Variants in ALG14 observed in about 807,000 individuals in gnomAD.
ALG14 encodes UDP-N-acetylglucosamine transferase subunit ALG14.
Under a neutral mutation model 22.8 loss-of-function variants are expected in ALG14, and 17 were observed. The ratio of observed to expected loss-of-function variants is 0.75; its 90% confidence interval spans 0.51 to 1.12. The LOEUF (loss-of-function observed/expected upper bound fraction) is 1.12. ALG14 is among the 50% of genes most tolerant of loss of function. The pLI, the probability that ALG14 is intolerant of heterozygous loss-of-function variation, is 0.00. For missense variants in ALG14, 288 were observed against 271.8 expected (o/e 1.06, Z -0.42); for synonymous variants, 89 against 103.7 (o/e 0.86, Z 0.86).
Position 94,983,296 on chromosome 1 carries a change from T to A in ALG14, c.431A>T (p.Asn144Ile). 1 of 1,613,716 alleles carries A rather than the reference T, an allele frequency of 6.2e-7. No homozygotes were observed. The highest frequency in any genetic ancestry group is 8.5e-7 in the Non-Finnish European group (1 of 1,179,784). Residue 144 changes from asparagine (N) to isoleucine (I), a missense_variant, in exon 4 of 4, where the codon AAC becomes ATC. Physicochemically the swap from Asn to Ile is moderately radical, Grantham distance 149. Transcript: ENST00000370205. ...GATAGGAACACATGTTCCTGGTCCG[T>A]TACACAACACCTGAAAGAAAAAGTT... ...HRVKPDLVLCNGPGTCVPICV... is the reference protein window; with the variant it reads ...HRVKPDLVLCIGPGTCVPICV...
intron 2 of ALG14, among the ~76,000 whole-genome samples, chr1:95,053,861 T>G (rs1242685158): frequency 6.6e-6 from 1 of 152,214 alleles, no homozygotes; most frequent in Non-Finnish European, 1.5e-5. Flanking sequence ...TAATTTCTTT[T>G]TAAGCACAGA....
chr1:95,004,937 C>T (rs2100741227), intron 3 of ALG14, among the ~76,000 whole-genome samples: 1 of 152,184 alleles, frequency 6.6e-6, no homozygotes, highest in African/African-American at 2.4e-5. Context: ...TCCTGAGTAG[C>T]TGGGATTACA....
intron 3 of ALG14, among the ~76,000 whole-genome samples, chr1:95,009,362 C>T (rs1673304363): frequency 6.6e-6 from 1 of 152,004 alleles, no homozygotes; most frequent in Admixed American, 6.6e-5. Context: ...TTTCACTTAT[C>T]ATTATTAAAG....
chr1:95,037,741 G>A lies in ALG14; in HGVS notation c.289-10481C>T, dbSNP rs191830262. On this transcript the variant is annotated intron_variant, in intron 2 of 3. Transcript: ENST00000370205. ...CCTTCCTTTGTCCTTAAAATGGTAA[G>A]AAAATTGCATTCCTTTTCTTAAAAT... is the stretch of plus-strand genomic sequence containing the variant. Among the ~76,000 whole-genome samples the A allele has an allele frequency of 1.3e-3, 201 of 152,298 alleles. 1 individual carries two copies. The highest frequency in any genetic ancestry group is 1.9e-3 in the Non-Finnish European group (131 of 68,018).
rs1383296430 is a variant in ALG14 at position 94,977,970 on chromosome 1, G to A, written c.*5106C>T. 3 of 151,446 alleles carry A rather than the reference G, an allele frequency of 2.0e-5. No individual in the cohort carries two copies. Among genetic ancestry groups the A allele is most frequent in the African/African-American group, 7.3e-5 (3 of 41,240 alleles). 9.4% of individuals were successfully genotyped at this position (151,446 alleles called of 1,614,324 possible). ...CCAGCCAGTTTTCAATAATTTTTTA[G>A]TATAATGAGGTCCTGAGATCAAAAC... is the stretch of plus-strand genomic sequence containing the variant. On this transcript the variant is annotated 3_prime_UTR_variant, in exon 4 of 4. Coordinates refer to ENST00000370205, the MANE Select transcript of ALG14 (RefSeq NM_144988.4).
At chr1:94,994,851 T>G (rs192158996) in intron 3 of ALG14, among the ~76,000 whole-genome samples, 3 of 152,340 alleles carry the variant, frequency 2.0e-5, no homozygotes, top group Admixed American at 2.0e-4. Flanking sequence ...TTAATAGAGA[T>G]ATCAGTAGCA....
In ALG14 at chr1:95,033,630, T is replaced by C. The variant is rs192971595; in HGVS notation, c.289-6370A>G. ...ATCAACAGTAAAATCTATCATAGAT[T>C]TCCTTCTAGATATGAAGATCTATGA... On this transcript the variant is annotated intron_variant, in intron 2 of 3. Transcript: ENST00000370205. Among the ~76,000 whole-genome samples, 249 of 152,186 alleles carry C rather than the reference T, an allele frequency of 1.6e-3. 5 individuals are homozygous for C. Among genetic ancestry groups the C allele is most frequent in the Admixed American group, 0.014 (216 of 15,276 alleles).
chr1:94,982,620 G>A lies in ALG14; in HGVS notation c.*456C>T, dbSNP rs1022254721. ...CTGGGGACATCACTGTTTCCATACA[G>A]GAAATAAAGCCTTTTGTATCTGAAC... On this transcript the variant is annotated 3_prime_UTR_variant, in exon 4 of 4. Coordinates refer to ENST00000370205, the MANE Select transcript of ALG14 (RefSeq NM_144988.4). 1 of 128,072 alleles carries A rather than the reference G, an allele frequency of 7.8e-6. No individual in the cohort carries two copies. Among genetic ancestry groups the A allele is most frequent in the Non-Finnish European group, 1.5e-5 (1 of 65,488 alleles). 7.9% of individuals were successfully genotyped at this position (128,072 alleles called of 1,614,324 possible).
chr1:95,054,379 A>T (rs772139661), intron 2 of ALG14, among the ~76,000 whole-genome samples: 2 of 152,156 alleles, frequency 1.3e-5, no homozygotes, highest in Non-Finnish European at 2.9e-5. Flanking sequence ...TGCTCTGCCC[A>T]TGTGAAGTGC....
intron 2 of ALG14, among the ~76,000 whole-genome samples, chr1:95,054,469 T>G (rs1159826956): frequency 7.7e-6 from 1 of 130,054 alleles, no homozygotes; most frequent in Non-Finnish European, 1.8e-5. Context: ...GCTTCTTGTA[T>G]AGCTTGCAGA....
intron 3 of ALG14, among the ~76,000 whole-genome samples, chr1:95,003,493 G>A (rs576251607): frequency 5.5e-4 from 81 of 148,618 alleles, no homozygotes; most frequent in African/African-American, 1.7e-3. Flanking sequence ...TTTACTGCCC[G>A]GGCTGGAGTA....
chr1:95,023,946 A>G (rs1025547519), intron 3 of ALG14, among the ~76,000 whole-genome samples: 1 of 152,238 alleles, frequency 6.6e-6, no homozygotes, highest in African/African-American at 2.4e-5. Flanking sequence ...AGAAAGGACC[A>G]TGGAAAACGC....
At chr1:95,050,479 A>ATATAAC (rs1674710114) in intron 2 of ALG14, among the ~76,000 whole-genome samples, 6 of 152,262 alleles carry the variant, frequency 3.9e-5, no homozygotes, top group Admixed American at 1.3e-4. Flanking sequence ...TTCTGATAGA[A>ATATAAC]TAGCAATATA....
Position 95,072,862 on chromosome 1 carries a change from C to G in ALG14, c.37G>C (p.Ala13Pro). 6.2e-7 allele frequency: 1 copy of G among 1,614,168 alleles called. No homozygotes were observed. Among genetic ancestry groups the G allele is most frequent in the Non-Finnish European group, 8.5e-7 (1 of 1,180,050 alleles). Reference protein sequence around the residue: ...CVLVLAAAAGAVAVFLILRIW... With the variant: ...CVLVLAAAAGPVAVFLILRIW... ...CGCAGGATTAGGAAAACCGCCACAG[C>G]TCCTGCGGCCGCAGCTAGAACGAGA... Residue 13 changes from alanine (A) to proline (P), a missense_variant, in exon 1 of 4, where the codon GCT becomes CCT. Physicochemically the swap from Ala to Pro is conservative, Grantham distance 27 (BLOSUM62 -1). Transcript: ENST00000370205.
intron 3 of ALG14, among the ~76,000 whole-genome samples, chr1:94,984,163 T>G (rs1217086148): frequency 1.3e-5 from 2 of 152,230 alleles, no homozygotes; most frequent in African/African-American, 4.8e-5. Flanking sequence ...TATGCTCATG[T>G]TGACTGAATT....
chr1:95,039,094 A>C (rs937843862), intron 2 of ALG14, among the ~76,000 whole-genome samples: 2 of 152,176 alleles, frequency 1.3e-5, no homozygotes, highest in African/African-American at 2.4e-5. Context: ...CAGGATATAA[A>C]ATTTTCTAAG....
At chr1:95,039,097 T>C (rs527912175) in intron 2 of ALG14, among the ~76,000 whole-genome samples, 5 of 152,252 alleles carry the variant, frequency 3.3e-5, no homozygotes, top group Admixed American at 1.3e-4. Flanking sequence ...GATATAAAAT[T>C]TTCTAAGTAT....
intron 1 of ALG14, among the ~76,000 whole-genome samples, chr1:95,070,694 C>T (rs1463657870): frequency 6.6e-6 from 1 of 152,172 alleles, no homozygotes; most frequent in African/African-American, 2.4e-5. Flanking sequence ...AAGCACTTTA[C>T]TGAACACTTT....
At position 94,983,306 on chromosome 1, in the gene ALG14, C is replaced by T. The variant is rs946253637; in HGVS notation, c.421G>A (p.Val141Met). ...PLIHRVKPDL[V>M]LCNGPGTCVP... ...CATGTTCCTGGTCCGTTACACAACACCTGAAAGAAAAAGTTGAAGGTCAAA... is the reference window on the plus strand; with the variant it reads ...CATGTTCCTGGTCCGTTACACAACATCTGAAAGAAAAAGTTGAAGGTCAAA... The change falls in exon 4 of 4, where the codon GTG becomes ATG. Residue 141 changes from valine (V) to methionine (M), a missense_variant and splice_region_variant. Coordinates refer to ENST00000370205, the MANE Select transcript of ALG14 (RefSeq NM_144988.4). 3.1e-6 allele frequency: 5 copies of T among 1,611,860 alleles called. No homozygotes were observed. The highest frequency in any genetic ancestry group is 4.2e-6 in the Non-Finnish European group (5 of 1,178,952).
Sources: allele counts gnomAD v4.1 joint callset (sites outside exome capture counted in the v4.1 genomes callset), GRCh38; gene constraint gnomAD v4.1.1; transcripts MANE v1.5; gene names NCBI Gene and HGNC (gene_info 2026-07-23, HGNC 2026-07-21).